Variants in BAIAP3 observed in about 807,000 individuals in gnomAD.
BAIAP3 encodes the protein BAI1 associated protein 3.
A neutral mutation model predicts 149.7 loss-of-function variants in BAIAP3; 180 were observed. The observed-to-expected ratio is 1.20, with a 90% CI of 1.07 to 1.36. BAIAP3 has a LOEUF of 1.36. Among genes scored for constraint, BAIAP3 ranks in the 40% most tolerant of loss-of-function variants. BAIAP3 has a pLI of 0.00. For synonymous variants in BAIAP3, 845 were observed against 670.7 expected (o/e 1.26, Z -4.02); for missense variants, 1,767 against 1,563.4 (o/e 1.13, Z -2.20).
Position 1,346,263 on chromosome 16 carries a change from G to A in BAIAP3, c.2395G>A (p.Glu799Lys), listed in dbSNP as rs539418901. The change falls in exon 25 of 34, where the codon GAG becomes AAG. Residue 799 changes from glutamate to lysine, a missense_variant. Physicochemically the swap from Glu to Lys is moderately conservative, Grantham distance 56. Coordinates refer to ENST00000426824, the MANE Select transcript of BAIAP3 (RefSeq NM_001199097.2). ...LAWPEGATGP[E>K]GVLPRPLLSC... is the part of the protein sequence containing the mutation. ...ATGGCCAGAGGGGGCCACGGGGCCC[G>A]AGGGGGTGCTCCCCCGCCCTCTGCT... 172 of 1,610,554 alleles carry A rather than the reference G, an allele frequency of 1.1e-4. 1 individual carries two copies. Among genetic ancestry groups the A allele is most frequent in the Middle Eastern group, 8.3e-4 (5 of 6,046 alleles).
At chr16:1,337,005 TGTG>T (rs1357215379) in intron 1 of BAIAP3, among the ~76,000 whole-genome samples, 2 of 151,934 alleles carry the variant, frequency 1.3e-5, no homozygotes, top group African/African-American at 2.4e-5. Flanking sequence ...GTACCTCTCT[TGTG>T]GTGGGGCAGA....
At chr16:1,343,958 A>T (rs2034118332) in intron 15 of BAIAP3, 64 bp from the exon 16 acceptor site, 1 of 1,598,312 alleles carries the variant, frequency 6.3e-7, no homozygotes, top group Admixed American at 1.7e-5. Flanking sequence ...CAAGGCAGGG[A>T]GGATGTTTCT....
At chr16:1,343,205 G>C (rs966313829) in intron 14 of BAIAP3, 188 bp from the exon 15 acceptor site, 20 of 1,113,662 alleles carry the variant, frequency 1.8e-5, no homozygotes, top group Non-Finnish European at 2.5e-5. Context: ...AGGTGAGGCA[G>C]CGAAAGGGGC....
At chr16:1,342,141 A>C (rs1596572798) in intron 10 of BAIAP3, 40 bp from the exon 11 acceptor site, 3 of 1,573,376 alleles carry the variant, frequency 1.9e-6, no homozygotes, top group Non-Finnish European at 1.7e-6. Flanking sequence ...GTGGCTCCCC[A>C]GGAGCCATCA....
rs759923281 is a variant in BAIAP3, at chr16:1,346,203, C to T, written c.2335C>T (p.Arg779Cys). ...GGTCCTCAACAATGTGGAGCTCGTG[C>T]GCAAGGCTGCTGGGCAGGCCTTGAA... is the stretch of plus-strand genomic sequence containing the variant. Reference protein sequence around the residue: ...CVVLNNVELVRKAAGQALKGL... With the variant: ...CVVLNNVELVCKAAGQALKGL... Residue 779 changes from arginine (R) to cysteine (C), a missense_variant, in exon 25 of 34, where the codon CGC becomes TGC. Coordinates refer to ENST00000426824, the MANE Select transcript of BAIAP3 (RefSeq NM_001199097.2). The T allele has an allele frequency of 1.4e-5, 22 of 1,611,998 alleles. No homozygotes were observed. Among genetic ancestry groups the T allele is most frequent in the East Asian group, 2.2e-5 (1 of 44,880 alleles).
rs926744334 is a variant in BAIAP3, at chr16:1,334,721, C to CGCCATCGGCTTCGCAGGG, written c.-11+979_-11+996dup. ...CGCCAGGTGACCTGCACCTGGGCACCGCCATCGGCTTCGCAGGGGCCATCT... is the reference window on the plus strand; with the variant it reads ...CGCCAGGTGACCTGCACCTGGGCACCGCCATCGGCTTCGCAGGGGCCATCGGCTTCGCAGGGGCCATCT... On this transcript the variant is annotated intron_variant, in intron 1 of 33. Coordinates refer to ENST00000426824, the MANE Select transcript of BAIAP3 (RefSeq NM_001199097.2). 2.6e-6 allele frequency: 4 copies of CGCCATCGGCTTCGCAGGG among 1,555,930 alleles called. No homozygotes were observed. The African/African-American group carries it at 5.5e-5, about 21-fold the overall frequency.
chr16:1,347,865 C>A lies in BAIAP3; in HGVS notation c.3026-29C>A, dbSNP rs746560230. The A allele has an allele frequency of 1.9e-6, 3 of 1,608,864 alleles. No homozygotes were observed. In the East Asian group the frequency reaches 6.7e-5, roughly 36 times the overall value. ...GGGTCGGGTGGTGGTGGGATGGGGG[C>A]AGGGGGGCTCACGACTGTGCTCCTG... On this transcript the variant is annotated intron_variant, in intron 31 of 33. Coordinates refer to ENST00000426824, the MANE Select transcript of BAIAP3 (RefSeq NM_001199097.2).
At chr16:1,341,562 G>A in intron 8 of BAIAP3, 73 bp downstream of exon 8, 1 of 1,518,790 alleles carries the variant, frequency 6.6e-7, no homozygotes, top group Non-Finnish European at 8.9e-7. Flanking sequence ...TGCCTGGAGG[G>A]TGGTGGCTCG....
intron 1 of BAIAP3, among the ~76,000 whole-genome samples, chr16:1,334,020 C>A (rs1191040683): frequency 6.6e-6 from 1 of 151,840 alleles, no homozygotes; most frequent in East Asian, 1.9e-4. Flanking sequence ...GTCCGCACTG[C>A]GGAGCGGACG....
rs151219379 is a variant in BAIAP3 at position 1,348,427 on chromosome 16, A to C, written c.3404A>C (p.Gln1135Pro). The part of the protein sequence containing the change: ...RLEGRTSKEA[Q>P]EFVKKLKELE... ...GAAGGCCGCACCAGCAAGGAGGCGC[A>C]GGAGTTCGTGAAGAAACTCAAGGAG... Residue 1135 changes from glutamine (Q) to proline (P), a missense_variant, in exon 34 of 34, where the codon CAG becomes CCG. Physicochemically the swap from Gln to Pro is moderately conservative, Grantham distance 76. Coordinates refer to ENST00000426824, the MANE Select transcript of BAIAP3 (RefSeq NM_001199097.2). The C allele has an allele frequency of 1.7e-5, 27 of 1,612,650 alleles. No homozygotes were observed. Among genetic ancestry groups the C allele is most frequent in the Non-Finnish European group, 2.3e-5 (27 of 1,179,858 alleles).
chr16:1,338,452 C>CGGGGCGGGGG, intron 1 of BAIAP3, 88 bp from the exon 2 acceptor site: 1 of 211,092 alleles, frequency 4.7e-6, no homozygotes, highest in Non-Finnish European at 1.0e-5. Context: ...CACCTCTTCC[C>CGGGGCGGGGG]GCCCCACCCC....
chr16:1,346,513 G>C lies in BAIAP3; in HGVS notation c.2562+3G>C. On this transcript the variant is annotated splice_donor_region_variant and intron_variant, in intron 26 of 33. Transcript: ENST00000426824. Reference sequence around the variant, plus strand: ...CTGACTCCATCCAGAACGATGAGGTGAGTGCCGGGGCGAGGGGCCGTGGAG... The same window carrying C: ...CTGACTCCATCCAGAACGATGAGGTCAGTGCCGGGGCGAGGGGCCGTGGAG... The C allele has an allele frequency of 1.2e-6, 2 of 1,609,440 alleles. No homozygotes were observed. Among genetic ancestry groups the C allele is most frequent in the Non-Finnish European group, 1.7e-6 (2 of 1,178,366 alleles).
Position 1,346,830 on chromosome 16 carries a change from C to T in BAIAP3, c.2643-17C>T. The T allele has an allele frequency of 1.3e-6, 2 of 1,577,966 alleles. No homozygotes were observed. Among genetic ancestry groups the T allele is most frequent in the Non-Finnish European group, 8.6e-7 (1 of 1,165,540 alleles). ...GGCAGGTGGGGCTGGCCCGTGGTCA[C>T]TGATGCTGCCCTGCAGGGTGCTGGA... On this transcript the variant is annotated splice_polypyrimidine_tract_variant and intron_variant, in intron 27 of 33. Coordinates refer to ENST00000426824, the MANE Select transcript of BAIAP3 (RefSeq NM_001199097.2).
At position 1,340,960 on chromosome 16, in the gene BAIAP3, C is replaced by T. The variant is rs780255620; in HGVS notation, c.447C>T (p.Ile149=). Residue 149 remains isoleucine, a synonymous_variant, in exon 6 of 34, where the codon ATC becomes ATT. Transcript: ENST00000426824. ...GTSLEEHTEA[I]ERVRKAKAPT... ...GCCTTGAGGAGCACACTGAGGCCAT[C>T]GAGCGAGTGAGGAAGGCCAAGGTGA... 43 of 1,587,728 alleles carry T rather than the reference C, an allele frequency of 2.7e-5. No homozygotes were observed. Among genetic ancestry groups the T allele is most frequent in the African/African-American group, 8.1e-5 (6 of 74,382 alleles).
chr16:1,342,533 C>T lies in BAIAP3; in HGVS notation c.964C>T (p.Pro322Ser). 6.4e-7 allele frequency: 1 copy of T among 1,552,882 alleles called. No individual in the cohort carries two copies. Among genetic ancestry groups the T allele is most frequent in the Non-Finnish European group, 8.7e-7 (1 of 1,148,398 alleles). Residue 322 changes from proline to serine, a missense_variant, in exon 12 of 34, where the codon CCT (proline) becomes TCT (serine). Coordinates refer to ENST00000426824, the MANE Select transcript of BAIAP3 (RefSeq NM_001199097.2). The part of the protein sequence containing the change: ...GCLNIPVREV[P>S]VAGVDRWFKL... The stretch of plus-strand genomic sequence containing the variant: ...ACCCCCATGCTACCCCCAGGAGGTG[C>T]CTGTGGCTGGCGTCGACCGCTGGTT...
intron 8 of BAIAP3, 78 bp from the exon 9 acceptor site, chr16:1,341,744 C>A: frequency 1.4e-6 from 2 of 1,480,708 alleles, no homozygotes; most frequent in South Asian, 1.3e-5. Flanking sequence ...CTGGTCCCTG[C>A]TGCTTCTGGA....
chr16:1,343,705 G>C (rs79705111), intron 15 of BAIAP3, among the ~76,000 whole-genome samples, 192 bp downstream of exon 15: 2 of 152,236 alleles, frequency 1.3e-5, no homozygotes, highest in Non-Finnish European at 2.9e-5. Flanking sequence ...AGTCACCTCG[G>C]GGGGCGGCCA....
Position 1,348,605 on chromosome 16 carries a change from G to A in BAIAP3, c.*123G>A, listed in dbSNP as rs929118844. 1.4e-5 allele frequency: 14 copies of A among 988,290 alleles called. No homozygotes were observed. In the Admixed American group the frequency reaches 1.8e-4, roughly 12 times the overall value. 61.2% of individuals were successfully genotyped at this position (988,290 alleles called of 1,614,324 possible). A position where few individuals can be genotyped will look rare whatever the true frequency, so the allele number is the denominator to read the frequency against. On this transcript the variant is annotated 3_prime_UTR_variant, in exon 34 of 34. Coordinates refer to ENST00000426824, the MANE Select transcript of BAIAP3 (RefSeq NM_001199097.2). ...GCGCCCCTCCTGTGCTGTGACGTGT[G>A]TGTCGTGGCTGGCCCCGCGGCGCCT...
At chr16:1,340,794 C>G (rs2033874629) in intron 5 of BAIAP3, 128 bp from the exon 6 acceptor site, 2 of 1,001,732 alleles carry the variant, frequency 2.0e-6, no homozygotes, top group Non-Finnish European at 1.5e-6. Flanking sequence ...TCCCAGGCTT[C>G]CCCCAACCCT....
Sources: gnomAD v4.1 joint callset for allele counts (sites outside exome capture counted in the v4.1 genomes callset) on GRCh38, gnomAD v4.1.1 for gene constraint, MANE v1.5 for transcripts, NCBI Gene and HGNC (gene_info 2026-07-23, HGNC 2026-07-21) for gene names.